The following MTUS2 variants were observed in gnomAD, a reference collection of about 807,000 sequenced individuals.
The protein encoded by MTUS2 is microtubule-associated tumor suppressor candidate 2.
MTUS2 carries 40 observed loss-of-function variants against 114.1 expected under a neutral mutation model. That is an observed-to-expected ratio of 0.35 (90% confidence interval 0.27 to 0.46). The LOEUF is 0.46. Among genes scored for constraint, MTUS2 ranks in the 20% least tolerant of loss-of-function variants. MTUS2 has a pLI of 1.00. For missense variants in MTUS2, 1,679 were observed against 1,705.4 expected, an observed-to-expected ratio of 0.98 and a Z score of 0.27; for synonymous variants, 688 against 672.0, an observed-to-expected ratio of 1.02 and a Z score of -0.37.
intron 2 of MTUS2, among the ~76,000 whole-genome samples, chr13:28,860,297 C>G (rs1443804382): frequency 6.6e-6 from 1 of 151,788 alleles, no homozygotes; most frequent in Non-Finnish European, 1.5e-5. Context: ...AATAGTCACT[C>G]TTTTGCCAGC....
At chr13:29,035,304 A>G (rs558532030) in intron 4 of MTUS2, among the ~76,000 whole-genome samples, 1 of 152,318 alleles carries the variant, frequency 6.6e-6, no homozygotes, top group Admixed American at 6.5e-5. Context: ...TATCACTCCT[A>G]CAGGGCATGG....
intron 2 of MTUS2, among the ~76,000 whole-genome samples, chr13:28,952,420 A>G (rs1196128452): frequency 6.6e-6 from 1 of 152,248 alleles, no homozygotes; most frequent in Admixed American, 6.5e-5. Flanking sequence ...TGGATCATGT[A>G]CATTCCTGCA....
intron 6 of MTUS2, among the ~76,000 whole-genome samples, chr13:29,320,610 G>C (rs959438214): frequency 3.3e-5 from 5 of 152,232 alleles, no homozygotes; most frequent in African/African-American, 1.2e-4. Flanking sequence ...CCTGGAGGAT[G>C]CTTACCCCAC....
chr13:29,471,964 A>G (rs1226942710), intron 9 of MTUS2, among the ~76,000 whole-genome samples: 3 of 152,120 alleles, frequency 2.0e-5, no homozygotes, highest in Non-Finnish European at 2.9e-5. Context: ...TGCTGCAGGG[A>G]CCTGCAGAGA....
intron 7 of MTUS2, among the ~76,000 whole-genome samples, chr13:29,327,039 A>G (rs1213492745): frequency 6.6e-6 from 1 of 152,190 alleles, no homozygotes; most frequent in Non-Finnish European, 1.5e-5. Context: ...GTGTTCCCTT[A>G]TTAAACAGTC....
At chr13:29,114,522 A>C (rs1318375741) in intron 5 of MTUS2, among the ~76,000 whole-genome samples, 1 of 152,198 alleles carries the variant, frequency 6.6e-6, no homozygotes, top group East Asian at 1.9e-4. Flanking sequence ...TATGTAGGTA[A>C]AGGTGGACAG....
At chr13:29,348,583 A>AT (rs1466914611) in intron 7 of MTUS2, among the ~76,000 whole-genome samples, 2 of 152,218 alleles carry the variant, frequency 1.3e-5, no homozygotes, top group Admixed American at 6.5e-5. Context: ...AAGTTGGTTG[A>AT]AGCATTGTCA....
At chr13:28,922,253 G>A (rs1330530705) in intron 2 of MTUS2, among the ~76,000 whole-genome samples, 2 of 152,146 alleles carry the variant, frequency 1.3e-5, no homozygotes, top group Admixed American at 1.3e-4. Flanking sequence ...TATAGCCTGT[G>A]GAACTGTGAG....
At chr13:29,158,358 C>CCCCCCTTTT in intron 5 of MTUS2, among the ~76,000 whole-genome samples, 12 of 32,050 alleles carry the variant, frequency 3.7e-4, no homozygotes, top group Non-Finnish European at 5.1e-4. Context: ...GTCCACCCCG[C>CCCCCCTTTT]TTTTTTTTTT....
At chr13:28,878,922 G>A (rs146356657) in intron 2 of MTUS2, among the ~76,000 whole-genome samples, 1 of 152,286 alleles carries the variant, frequency 6.6e-6, no homozygotes, top group African/African-American at 2.4e-5. Context: ...TTCTGCAATG[G>A]TTGAACTACT....
At chr13:29,049,054 G>T (rs941975817) in intron 4 of MTUS2, among the ~76,000 whole-genome samples, 12 of 152,188 alleles carry the variant, frequency 7.9e-5, no homozygotes, top group African/African-American at 2.7e-4. Context: ...TGTCTGACCC[G>T]TTAAGAAAAA....
intron 5 of MTUS2, among the ~76,000 whole-genome samples, chr13:29,225,610 A>G (rs1275032453): frequency 6.6e-6 from 1 of 152,242 alleles, no homozygotes; most frequent in East Asian, 1.9e-4. Context: ...GACATCAGTG[A>G]CAGGATTTAA....
At chr13:28,976,965 A>G (rs1378148275) in intron 2 of MTUS2, among the ~76,000 whole-genome samples, 1 of 152,198 alleles carries the variant, frequency 6.6e-6, no homozygotes, top group African/African-American at 2.4e-5. Flanking sequence ...GGGAAGGGAT[A>G]GAGAGAAGGG....
intron 4 of MTUS2, among the ~76,000 whole-genome samples, chr13:29,038,325 G>A (rs1232005724): frequency 6.6e-6 from 1 of 152,220 alleles, no homozygotes; most frequent in South Asian, 2.1e-4. Context: ...GGAGTTTGCT[G>A]GAGGTCCACT....
chr13:29,232,795 A>C (rs1896385838), intron 5 of MTUS2, among the ~76,000 whole-genome samples: 1 of 152,214 alleles, frequency 6.6e-6, no homozygotes, highest in African/African-American at 2.4e-5. Flanking sequence ...TCAGGTAGGT[A>C]GAAAATTCTG....
intron 6 of MTUS2, among the ~76,000 whole-genome samples, chr13:29,285,289 G>C (rs982606863): frequency 6.6e-6 from 1 of 151,762 alleles, no homozygotes; most frequent in Non-Finnish European, 1.5e-5. Context: ...GAAAAGAAAA[G>C]CCTTTTAGTA....
intron 2 of MTUS2, among the ~76,000 whole-genome samples, chr13:28,988,314 C>T (rs1394964465): frequency 6.6e-6 from 1 of 152,126 alleles, no homozygotes; most frequent in Non-Finnish European, 1.5e-5. Context: ...TTTCTAGTTG[C>T]AAAGTGGGAA....
chr13:28,841,055 C>T (rs1447004979), intron 2 of MTUS2, among the ~76,000 whole-genome samples: 1 of 152,182 alleles, frequency 6.6e-6, no homozygotes, highest in Admixed American at 6.5e-5. Context: ...TGTCCTTGTT[C>T]TCAAAGACGA....
At chr13:28,896,343 A>G (rs911710190) in intron 2 of MTUS2, among the ~76,000 whole-genome samples, 1 of 152,214 alleles carries the variant, frequency 6.6e-6, no homozygotes, top group Non-Finnish European at 1.5e-5. Context: ...CCAACTTACA[A>G]GGGACGTGAA....
Sources: gnomAD v4.1 joint callset for allele counts (sites outside exome capture counted in the v4.1 genomes callset) on GRCh38, gnomAD v4.1.1 for gene constraint, MANE v1.5 for transcripts, NCBI Gene and HGNC (gene_info 2026-07-23, HGNC 2026-07-21) for gene names.